The following STK17A variants were observed in gnomAD, a reference collection of about 807,000 sequenced individuals.
The protein encoded by STK17A is serine/threonine kinase 17a.
STK17A carries 26 observed loss-of-function variants against 43.7 expected under a neutral mutation model. The ratio of observed to expected loss-of-function variants is 0.60; its 90% confidence interval spans 0.44 to 0.83. The LOEUF is 0.83. Among genes scored for constraint, STK17A ranks in the 40% least tolerant of loss-of-function variants. STK17A has a pLI of 0.00. For missense variants in STK17A, 476 were observed against 511.6 expected, an observed-to-expected ratio of 0.93 and a Z score of 0.67; for synonymous variants, 191 against 182.5, an observed-to-expected ratio of 1.05 and a Z score of -0.38.
At chr7:43,607,145 A>T (rs1307206130) in intron 2 of STK17A, among the ~76,000 whole-genome samples, 1 of 151,414 alleles carries the variant, frequency 6.6e-6, no homozygotes, top group Non-Finnish European at 1.5e-5. Context: ...CTGGTCTGGA[A>T]TTCCTGATCT....
intron 1 of STK17A, among the ~76,000 whole-genome samples, chr7:43,584,755 T>C (rs1477056674): frequency 1.3e-5 from 2 of 152,194 alleles, no homozygotes; most frequent in Non-Finnish European, 2.9e-5. Context: ...AAAAACACCT[T>C]TCAGGAACAA....
At chr7:43,605,273 T>C (rs1027639529) in intron 2 of STK17A, among the ~76,000 whole-genome samples, 1 of 152,232 alleles carries the variant, frequency 6.6e-6, no homozygotes, top group African/African-American at 2.4e-5. Flanking sequence ...GAGTAGATTT[T>C]ATCCCATTAA....
At chr7:43,589,741 G>A (rs2082466272) in intron 1 of STK17A, among the ~76,000 whole-genome samples, 1 of 143,988 alleles carries the variant, frequency 6.9e-6, no homozygotes, top group Non-Finnish European at 1.6e-5. Flanking sequence ...TTGACTTTGA[G>A]TGTCTTTTAA....
rs1380304938 is a variant in STK17A at position 43,608,253 on chromosome 7, T to C, written c.420-3T>C. On this transcript the variant is annotated splice_region_variant and splice_polypyrimidine_tract_variant and intron_variant, in intron 2 of 6. Transcript: ENST00000319357. ...ATATTACTTTAATTTTGCCCTTCTCTAGTGCTGCTGGGGGTGAAATCTTTG... is the reference window on the plus strand; with the variant it reads ...ATATTACTTTAATTTTGCCCTTCTCCAGTGCTGCTGGGGGTGAAATCTTTG... 3.7e-6 allele frequency: 6 copies of C among 1,608,466 alleles called. No individual in the cohort carries two copies. The highest frequency in any genetic ancestry group is 1.3e-5 in the African/African-American group (1 of 74,564).
chr7:43,593,709 C>A (rs75125252), intron 1 of STK17A, among the ~76,000 whole-genome samples: 1 of 147,158 alleles, frequency 6.8e-6, no homozygotes, highest in Non-Finnish European at 1.5e-5. Context: ...AAAAAAAAAA[C>A]AATGAGGTTG....
chr7:43,608,084 C>A (rs562714416), intron 2 of STK17A, among the ~76,000 whole-genome samples, 172 bp from the exon 3 acceptor site: 48 of 152,208 alleles, frequency 3.2e-4, no homozygotes, highest in Non-Finnish European at 4.9e-4. Flanking sequence ...GAGTTTGAGA[C>A]CAGCCTGGGC....
At chr7:43,618,457 C>A (rs2083551606) in intron 3 of STK17A, among the ~76,000 whole-genome samples, 1 of 152,138 alleles carries the variant, frequency 6.6e-6, no homozygotes, top group Non-Finnish European at 1.5e-5. Context: ...GGAGCCGTGA[C>A]AGATTAATCT....
chr7:43,604,814 T>G (rs2082577653), intron 2 of STK17A, among the ~76,000 whole-genome samples: 1 of 152,192 alleles, frequency 6.6e-6, no homozygotes, highest in Non-Finnish European at 1.5e-5. Flanking sequence ...TTACAGTGTA[T>G]TAAATGGCTT....
At chr7:43,617,756 A>G (rs1467498814) in intron 3 of STK17A, among the ~76,000 whole-genome samples, 1 of 152,200 alleles carries the variant, frequency 6.6e-6, no homozygotes, top group African/African-American at 2.4e-5. Flanking sequence ...TTGGGTGCAG[A>G]TCATGCAAGC....
chr7:43,609,226 G>C (rs934985528), intron 3 of STK17A: 1 of 152,272 alleles, frequency 6.6e-6, no homozygotes, highest in African/African-American at 2.4e-5. Flanking sequence ...AGGTGCTGCT[G>C]TTCAGCCTTG....
chr7:43,623,940 T>G (rs753534475), intron 6 of STK17A, 52 bp downstream of exon 6: 15 of 1,259,076 alleles, frequency 1.2e-5, no homozygotes, highest in Non-Finnish European at 4.1e-6. Context: ...TATTAAAAAA[T>G]TCAGTATTAA....
chr7:43,598,643 A>G (rs1036664773), intron 2 of STK17A, among the ~76,000 whole-genome samples: 1 of 152,166 alleles, frequency 6.6e-6, no homozygotes, highest in Admixed American at 6.5e-5. Context: ...TCATCACCAT[A>G]TATGCAGTTG....
intron 4 of STK17A, 33 bp downstream of exon 4, chr7:43,619,756 G>A (rs748661413): frequency 1.5e-5 from 24 of 1,607,878 alleles, no homozygotes; most frequent in Non-Finnish European, 1.5e-5. Context: ...TTGTTCTGGG[G>A]TCAGGCATCA....
rs986239428 is a variant in STK17A, at chr7:43,627,159, G to A, written c.*2317G>A. ...CAACAATATTTTGGTGTGGTGAAAC[G>A]TTGTTTATGAAATGTATAAAATGTA... On this transcript the variant is annotated 3_prime_UTR_variant, in exon 7 of 7. Coordinates refer to ENST00000319357, the MANE Select transcript of STK17A (RefSeq NM_004760.3). Among the ~76,000 whole-genome samples, 8 of 152,154 alleles carry A rather than the reference G, an allele frequency of 5.3e-5. No homozygotes were observed. Among genetic ancestry groups the A allele is most frequent in the Non-Finnish European group, 7.3e-5 (5 of 68,028 alleles).
intron 1 of STK17A, among the ~76,000 whole-genome samples, chr7:43,589,430 T>C (rs2082464634): frequency 6.6e-6 from 1 of 151,556 alleles, no homozygotes; most frequent in African/African-American, 2.4e-5. Context: ...CAAATTAGCA[T>C]GTGCATTTTC....
chr7:43,620,261 ATTAC>A (rs1481343810), intron 4 of STK17A, among the ~76,000 whole-genome samples: 1 of 152,236 alleles, frequency 6.6e-6, no homozygotes, highest in Non-Finnish European at 1.5e-5. Flanking sequence ...GAAGTCAACT[ATTAC>A]TTTCTTTGAT....
intron 2 of STK17A, among the ~76,000 whole-genome samples, chr7:43,603,391 A>G (rs1196004755): frequency 1.3e-5 from 2 of 152,210 alleles, no homozygotes; most frequent in Non-Finnish European, 2.9e-5. Context: ...CACTGCATCA[A>G]TTAATCATTC....
chr7:43,608,442 AT>A (rs1206916724), intron 3 of STK17A, 42 bp downstream of exon 3: 2 of 1,572,910 alleles, frequency 1.3e-6, no homozygotes, highest in Admixed American at 3.8e-5. Context: ...AAAGAATGAC[AT>A]TCAAGACATA....
chr7:43,625,163 C>A lies in STK17A; in HGVS notation c.*321C>A. 4.8e-6 allele frequency: 1 copy of A among 208,600 alleles called. No homozygotes were observed. The highest frequency in any genetic ancestry group is 9.6e-6 in the Non-Finnish European group (1 of 103,912). 12.9% of individuals were successfully genotyped at this position (208,600 alleles called of 1,614,324 possible). ...TTGTATTCACTTTCTTTAAAAAATC[C>A]AAGTAAAAGTGCCAAAACTACACTT... On this transcript the variant is annotated 3_prime_UTR_variant, in exon 7 of 7. Transcript: ENST00000319357.
Sources: gnomAD v4.1 joint callset for allele counts (sites outside exome capture counted in the v4.1 genomes callset) on GRCh38, gnomAD v4.1.1 for gene constraint, MANE v1.5 for transcripts, NCBI Gene and HGNC (gene_info 2026-07-23, HGNC 2026-07-21) for gene names.